Variants in LYAR observed in about 807,000 individuals in gnomAD.
LYAR encodes the protein Ly1 antibody reactive.
LYAR carries 37 observed loss-of-function variants against 45.2 expected under a neutral mutation model. That is an observed-to-expected ratio of 0.82 (90% confidence interval 0.63 to 1.08). LYAR has a LOEUF of 1.08. LYAR is among the 50% of genes least tolerant of loss of function. The probability of loss-of-function intolerance (pLI) is 0.00; values close to 1 mark genes in which losing one functional copy is unlikely to be tolerated. For missense variants in LYAR, 493 were observed against 451.0 expected, an observed-to-expected ratio of 1.09 and a Z score of -0.84; for synonymous variants, 176 against 155.1, an observed-to-expected ratio of 1.14 and a Z score of -1.00.
At chr4:4,280,417 A>G (rs1267330785) in intron 4 of LYAR, among the ~76,000 whole-genome samples, 39 of 152,248 alleles carry the variant, frequency 2.6e-4, no homozygotes. Context: ...ACAGAAACAG[A>G]AAAATCCATC....
Position 4,283,560 on chromosome 4 carries a change from C to T in LYAR, c.122+61G>A. 3.9e-6 allele frequency: 6 copies of T among 1,546,792 alleles called. No individual in the cohort carries two copies. The South Asian group carries it at 5.9e-5, about 15-fold the overall frequency. ...CACTATTTTTCCAAGCTTTGTGGCGCCAAGGCTTCCAAAACTGATCTGGAT... is the reference window on the plus strand; with the variant it reads ...CACTATTTTTCCAAGCTTTGTGGCGTCAAGGCTTCCAAAACTGATCTGGAT... On this transcript the variant is annotated intron_variant, in intron 3 of 9. Transcript: ENST00000343470.
At position 4,279,764 on chromosome 4, in the gene LYAR, GA is replaced by G; in HGVS notation, c.238-16del. On this transcript the variant is annotated splice_polypyrimidine_tract_variant and intron_variant, in intron 4 of 9. Transcript: ENST00000343470. ...TCACTAATTTTCTACAAAAAGGGAA[GA>G]AAAAAGAAAAACTATTAATAAACAA... 3 of 1,491,584 alleles carry G rather than the reference GA, an allele frequency of 2.0e-6. No homozygotes were observed. Among genetic ancestry groups the G allele is most frequent in the Non-Finnish European group, 2.8e-6 (3 of 1,084,182 alleles). The allele number at this position is 1,491,584 out of a possible 1,614,324, so 92.4% of individuals were successfully genotyped here. A position where few individuals can be genotyped will look rare whatever the true frequency, so the allele number is the denominator to read the frequency against.
At chr4:4,288,407 G>A (rs1299872980) in intron 1 of LYAR, among the ~76,000 whole-genome samples, 1 of 151,804 alleles carries the variant, frequency 6.6e-6, no homozygotes, top group Middle Eastern at 3.2e-3. Context: ...CATGCCCTTA[G>A]GTTTGGTTCT....
At chr4:4,279,613 C>T in intron 5 of LYAR, 29 bp downstream of exon 5, 1 of 1,586,292 alleles carries the variant, frequency 6.3e-7, no homozygotes, top group African/African-American at 1.3e-5. Context: ...GCCACACGGC[C>T]CCCTCCATTC....
At chr4:4,277,601 C>G (rs1719236325) in intron 6 of LYAR, among the ~76,000 whole-genome samples, 1 of 152,242 alleles carries the variant, frequency 6.6e-6, no homozygotes, top group Admixed American at 6.5e-5. Context: ...CTGACTCTTT[C>G]CTAATCGAGC....
At chr4:4,278,513 G>A (rs1258230886) in intron 6 of LYAR, among the ~76,000 whole-genome samples, 1 of 152,152 alleles carries the variant, frequency 6.6e-6, no homozygotes, top group Admixed American at 6.6e-5. Flanking sequence ...CAGAAGGAAG[G>A]CGCTTCAAGC....
At chr4:4,278,246 T>C (rs932586491) in intron 6 of LYAR, among the ~76,000 whole-genome samples, 3 of 152,204 alleles carry the variant, frequency 2.0e-5, no homozygotes, top group South Asian at 2.1e-4. Flanking sequence ...TGATGCCCAC[T>C]TGTTGCCGAA....
At position 4,287,665 on chromosome 4, in the gene LYAR, G is replaced by A. The variant is rs150136956; in HGVS notation, c.-107-1093C>T. On this transcript the variant is annotated intron_variant, in intron 1 of 9. Transcript: ENST00000343470. ...GAAGTCACAGTAAGTGGCAGAGGTG[G>A]CCTGAAAGACCAGGCAGCAAGCCCA... Among the ~76,000 whole-genome samples, 959 of 152,282 alleles carry A rather than the reference G, an allele frequency of 6.3e-3. 7 individuals are homozygous for A. The highest frequency in any genetic ancestry group is 0.022 in the African/African-American group (917 of 41,560).
chr4:4,282,530 C>CA (rs1295393876), intron 3 of LYAR, among the ~76,000 whole-genome samples: 2 of 151,624 alleles, frequency 1.3e-5, no homozygotes, highest in East Asian at 1.9e-4. Flanking sequence ...TAGCAGTTTC[C>CA]AAAAAAAATC....
intron 9 of LYAR, 60 bp downstream of exon 9, chr4:4,268,470 T>C (rs1577208404): frequency 1.8e-6 from 2 of 1,097,564 alleles, no homozygotes; most frequent in Admixed American, 4.2e-5. Context: ...CAAACAATTG[T>C]ACATTTAGAA....
chr4:4,287,676 C>T (rs766524595), intron 1 of LYAR, among the ~76,000 whole-genome samples: 3 of 152,152 alleles, frequency 2.0e-5, no homozygotes, highest in Non-Finnish European at 4.4e-5. Flanking sequence ...CCTGAAAGAC[C>T]AGGCAGCAAG....
rs573937215 is a variant in LYAR, at chr4:4,273,491, T to C, written c.919+92A>G. The C allele has an allele frequency of 5.1e-5, 43 of 845,618 alleles. No homozygotes were observed. In the African/African-American group the frequency reaches 6.0e-4, roughly 12 times the overall value. 52.4% of individuals were successfully genotyped at this position (845,618 alleles called of 1,614,324 possible). A position where few individuals can be genotyped will look rare whatever the true frequency, so the allele number is the denominator to read the frequency against. On this transcript the variant is annotated intron_variant, in intron 8 of 9. Transcript: ENST00000343470. ...ACAGCCTCACACTCCTGAGCTCAAGTGACCCTCCTGCCCCTGCCTCTGAAG... is the reference window on the plus strand; with the variant it reads ...ACAGCCTCACACTCCTGAGCTCAAGCGACCCTCCTGCCCCTGCCTCTGAAG...
At chr4:4,279,564 C>G (rs1401241574) in intron 5 of LYAR, 34 bp from the exon 6 acceptor site, 1 of 1,564,874 alleles carries the variant, frequency 6.4e-7, no homozygotes, top group East Asian at 2.2e-5. Flanking sequence ...AACTATTGAT[C>G]CCACTTGGAC....
intron 6 of LYAR, 89 bp downstream of exon 6, chr4:4,279,358 T>G (rs1319949141): frequency 1.1e-6 from 1 of 880,330 alleles, no homozygotes; most frequent in East Asian, 2.5e-5. Context: ...AAAAGAAGGC[T>G]GCCTTGACTT....
intron 6 of LYAR, among the ~76,000 whole-genome samples, chr4:4,275,631 A>C (rs1719147213): frequency 6.6e-6 from 1 of 151,960 alleles, no homozygotes; most frequent in Non-Finnish European, 1.5e-5. Flanking sequence ...TTCTGTAGAG[A>C]CGGGGTCACC....
intron 8 of LYAR, among the ~76,000 whole-genome samples, chr4:4,271,961 G>A (rs936896301): frequency 3.3e-5 from 5 of 152,114 alleles, no homozygotes; most frequent in South Asian, 2.1e-4. Flanking sequence ...AGAGAAAAAC[G>A]CTGAGCGAAG....
chr4:4,269,705 G>A (rs1718858655), intron 8 of LYAR, among the ~76,000 whole-genome samples: 1 of 152,124 alleles, frequency 6.6e-6, no homozygotes, highest in Non-Finnish European at 1.5e-5. Context: ...AACAGAAAGC[G>A]TAAACAGGAT....
rs547892283 is a variant in LYAR, at chr4:4,282,968, T to C, written c.122+653A>G. On this transcript the variant is annotated intron_variant, in intron 3 of 9. Coordinates refer to ENST00000343470, the MANE Select transcript of LYAR (RefSeq NM_017816.3). ...TGATGGGCATGTGATACCCATGGTC[T>C]AATGAAACTGGCTCTAAACCCCTGG... Among the ~76,000 whole-genome samples, 5 of 152,338 alleles carry C rather than the reference T, an allele frequency of 3.3e-5. No homozygotes were observed. In the South Asian group the frequency reaches 1.0e-3, roughly 32 times the overall value.
In LYAR at chr4:4,281,769, T is replaced by TA; in HGVS notation, c.237+13dup. On this transcript the variant is annotated intron_variant, in intron 4 of 9. Coordinates refer to ENST00000343470, the MANE Select transcript of LYAR (RefSeq NM_017816.3). Reference sequence around the variant, plus strand: ...TGTCAGAGGAAGCTACTCAATGAGTTAGAGAGACGTTACCTGAATCCACGC... The same window carrying TA: ...TGTCAGAGGAAGCTACTCAATGAGTTAAGAGAGACGTTACCTGAATCCACGC... 6.3e-7 allele frequency: 1 copy of TA among 1,596,216 alleles called. No individual in the cohort carries two copies. Among genetic ancestry groups the TA allele is most frequent in the Non-Finnish European group, 8.6e-7 (1 of 1,163,620 alleles).
Sources: allele counts gnomAD v4.1 joint callset (sites outside exome capture counted in the v4.1 genomes callset), GRCh38; gene constraint gnomAD v4.1.1; transcripts MANE v1.5; gene names NCBI Gene and HGNC (gene_info 2026-07-23, HGNC 2026-07-21).